The following TXNDC8 variants were observed in gnomAD, a reference collection of about 807,000 sequenced individuals.
TXNDC8 encodes the protein thioredoxin domain containing 8.
In TXNDC8, 15 loss-of-function variants were observed where a neutral mutation model predicts 12.9. The ratio of observed to expected loss-of-function variants is 1.16; its 90% CI spans 0.78 to 1.79. The LOEUF (loss-of-function observed/expected upper bound fraction) is 1.79. Among genes scored for constraint, TXNDC8 ranks in the 40% most tolerant of loss-of-function variants. TXNDC8 has a pLI of 0.00. For missense variants in TXNDC8, 128 were observed against 113.2 expected (o/e 1.13, Z -0.59); for synonymous variants, 40 against 35.4 (o/e 1.13, Z -0.46).
At chr9:110,331,167 A>C (rs892651895) in intron 2 of TXNDC8, among the ~76,000 whole-genome samples, 2 of 152,214 alleles carry the variant, frequency 1.3e-5, no homozygotes, top group African/African-American at 4.8e-5. Flanking sequence ...TAAATGAGAC[A>C]GAAGCTATTT....
intron 3 of TXNDC8, among the ~76,000 whole-genome samples, chr9:110,312,455 C>G (rs1011099539): frequency 6.6e-6 from 1 of 152,216 alleles, no homozygotes; most frequent in Non-Finnish European, 1.5e-5. Context: ...TACACAGTTT[C>G]TGTACAGGAT....
chr9:110,322,804 C>A (rs924448095), intron 3 of TXNDC8: 1 of 985,402 alleles, frequency 1.0e-6, no homozygotes, highest in African/African-American at 1.7e-5. Context: ...AGGGAAAAAA[C>A]AGAAGCATTC....
chr9:110,314,464 G>A (rs554928996), intron 3 of TXNDC8, among the ~76,000 whole-genome samples: 8 of 136,756 alleles, frequency 5.8e-5, no homozygotes, highest in African/African-American at 2.2e-4. Flanking sequence ...ATGGAGTCTC[G>A]CTCTGTCACC....
intron 2 of TXNDC8, among the ~76,000 whole-genome samples, chr9:110,328,148 G>A (rs1456919401): frequency 4.6e-5 from 7 of 152,130 alleles, no homozygotes; most frequent in Admixed American, 3.9e-4. Flanking sequence ...GAACTATAAT[G>A]GGTCATAAAA....
At chr9:110,318,250 C>T (rs77559320) in intron 3 of TXNDC8, among the ~76,000 whole-genome samples, 1,592 of 152,340 alleles carry the variant, frequency 0.01, 12 homozygotes, top group Middle Eastern at 0.02. Flanking sequence ...CTGGACCTTT[C>T]TGGACTCCAT....
chr9:110,330,296 G>A (rs372729714), intron 2 of TXNDC8, among the ~76,000 whole-genome samples: 1 of 152,210 alleles, frequency 6.6e-6, no homozygotes, highest in South Asian at 2.1e-4. Context: ...TTCACTCTGG[G>A]TTTCCTGCTT....
intron 3 of TXNDC8, among the ~76,000 whole-genome samples, chr9:110,312,996 C>G (rs1433348720): frequency 6.6e-6 from 1 of 152,214 alleles, no homozygotes; most frequent in Non-Finnish European, 1.5e-5. Flanking sequence ...ACCTCCGCCA[C>G]CCGGATTCAA....
chr9:110,302,899 A>T (rs575987946), downstream of TXNDC8, among the ~76,000 whole-genome samples: 17 of 152,258 alleles, frequency 1.1e-4, no homozygotes, highest in African/African-American at 3.9e-4. Context: ...CCCTGTTTCT[A>T]CTAAAAACAC....
chr9:110,321,830 A>G (rs72757090), intron 3 of TXNDC8, among the ~76,000 whole-genome samples: 30,881 of 151,892 alleles, frequency 0.2, 3,407 homozygotes, highest in East Asian at 0.46. Flanking sequence ...CTGTGAGGTA[A>G]GACCAGGGGA....
At chr9:110,307,938 A>C (rs1838524180) in intron 3 of TXNDC8, among the ~76,000 whole-genome samples, 1 of 152,252 alleles carries the variant, frequency 6.6e-6, no homozygotes, top group African/African-American at 2.4e-5. Context: ...TGTCACAGGC[A>C]CATGTTCTCA....
At chr9:110,305,588 T>A (rs889278724) in intron 3 of TXNDC8, among the ~76,000 whole-genome samples, 8 of 139,416 alleles carry the variant, frequency 5.7e-5, no homozygotes, top group Admixed American at 2.1e-4. Flanking sequence ...CTTTCTTTCT[T>A]TCTTTCTTTC....
chr9:110,323,159 G>A, intron 3 of TXNDC8: 1 of 985,430 alleles, frequency 1.0e-6, no homozygotes, highest in Non-Finnish European at 1.2e-6. Flanking sequence ...AGTTGAGGGT[G>A]AGGAGGGGGC....
intron 4 of TXNDC8, among the ~76,000 whole-genome samples, chr9:110,303,874 C>T (rs1439280228): frequency 6.6e-6 from 1 of 152,188 alleles, no homozygotes; most frequent in Non-Finnish European, 1.5e-5. Context: ...AATAAACAAA[C>T]TCCATCATTG....
At chr9:110,336,081 C>T (rs536723228) in intron 1 of TXNDC8, among the ~76,000 whole-genome samples, 27 of 152,326 alleles carry the variant, frequency 1.8e-4, no homozygotes, top group East Asian at 1.5e-3. Flanking sequence ...TCTTGCCTGC[C>T]GCCATGTCAG....
At chr9:110,309,282 C>A (rs1377923645) in intron 3 of TXNDC8, among the ~76,000 whole-genome samples, 6 of 152,044 alleles carry the variant, frequency 3.9e-5, no homozygotes, top group African/African-American at 1.4e-4. Flanking sequence ...GGGATTGACC[C>A]CCCCACAATA....
chr9:110,311,554 T>TATATAC (rs1554702057), intron 3 of TXNDC8, among the ~76,000 whole-genome samples: 16 of 130,452 alleles, frequency 1.2e-4, no homozygotes, highest in Non-Finnish European at 4.8e-5. Context: ...TATATATATA[T>TATATAC]ATATCTCCAT....
At chr9:110,321,516 T>C (rs1270101928) in intron 3 of TXNDC8, among the ~76,000 whole-genome samples, 2 of 152,214 alleles carry the variant, frequency 1.3e-5, no homozygotes, top group African/African-American at 4.8e-5. Context: ...GAAGCCTTAA[T>C]AGGAACTGAA....
At chr9:110,316,647 T>C (rs1366171498) in intron 3 of TXNDC8, among the ~76,000 whole-genome samples, 2 of 152,376 alleles carry the variant, frequency 1.3e-5, no homozygotes, top group East Asian at 1.9e-4. Flanking sequence ...ATACTGGCCT[T>C]CTTCTCAACT....
rs757660784 is a variant in TXNDC8, at chr9:110,324,727, C to T, written c.195+1448G>A. 2.0e-4 allele frequency among the ~76,000 whole-genome samples: 31 copies of T among 151,994 alleles called. 2 individuals carry two copies. Among genetic ancestry groups the T allele is most frequent in the Admixed American group, 6.6e-5 (1 of 15,258 alleles). ...CCAGGAATGGGGTAATTGTGTAAAA[C>T]GGAATAAGCATTTTGTGTCTCCTAC... is the stretch of plus-strand genomic sequence containing the variant. On this transcript the variant is annotated intron_variant, in intron 3 of 4. Coordinates refer to ENST00000423740, the MANE Select transcript of TXNDC8 (RefSeq NM_001286946.2).
Sources: gnomAD v4.1 joint callset for allele counts (sites outside exome capture counted in the v4.1 genomes callset) on GRCh38, gnomAD v4.1.1 for gene constraint, MANE v1.5 for transcripts, NCBI Gene and HGNC (gene_info 2026-07-23, HGNC 2026-07-21) for gene names.